Variants in MALRD1 observed in about 807,000 individuals in gnomAD.
The protein encoded by MALRD1 is MAM and LDL receptor class A domain containing 1.
A neutral mutation model predicts 242.1 loss-of-function variants in MALRD1; 247 were observed. That is an observed-to-expected ratio of 1.02 (90% CI 0.92 to 1.13). The LOEUF is 1.13. MALRD1 is among the 50% of genes most tolerant of loss of function. The pLI, the probability that MALRD1 is intolerant of heterozygous loss-of-function variation, is 0.00. For missense variants in MALRD1, 2,989 were observed against 2,533.1 expected, an observed-to-expected ratio of 1.18 and a Z score of -3.86; for synonymous variants, 995 against 866.6, an observed-to-expected ratio of 1.15 and a Z score of -2.60.
intron 34 of MALRD1, among the ~76,000 whole-genome samples, chr10:19,601,128 C>T (rs185691141): frequency 5.3e-4 from 81 of 152,146 alleles, no homozygotes; most frequent in Middle Eastern, 3.4e-3. Flanking sequence ...ATGATCCTGC[C>T]GCCTTGGTCT....
chr10:19,299,713 A>G (rs1332479011), intron 21 of MALRD1, among the ~76,000 whole-genome samples: 1 of 151,894 alleles, frequency 6.6e-6, no homozygotes, highest in Non-Finnish European at 1.5e-5. Flanking sequence ...GCACTGAAGG[A>G]ACATACCTCA....
intron 26 of MALRD1, among the ~76,000 whole-genome samples, chr10:19,386,249 C>A (rs557240135): frequency 1.3e-5 from 2 of 152,158 alleles, no homozygotes; most frequent in Admixed American, 6.6e-5. Flanking sequence ...CCCAGAAAAC[C>A]TTATAATAAA....
intron 18 of MALRD1, among the ~76,000 whole-genome samples, chr10:19,214,360 G>A (rs560871101): frequency 6.6e-6 from 1 of 152,252 alleles, no homozygotes; most frequent in East Asian, 1.9e-4. Flanking sequence ...GCAAACTTTT[G>A]TGGCATACAT....
intron 26 of MALRD1, among the ~76,000 whole-genome samples, chr10:19,367,947 G>A (rs1443099349): frequency 1.3e-5 from 2 of 151,864 alleles, no homozygotes; most frequent in East Asian, 3.9e-4. Context: ...TTTTTAAATT[G>A]GAGTATTATT....
chr10:19,660,338 G>A (rs1193966615), intron 36 of MALRD1, among the ~76,000 whole-genome samples: 1 of 152,162 alleles, frequency 6.6e-6, no homozygotes, highest in Non-Finnish European at 1.5e-5. Flanking sequence ...TTGAAAATGT[G>A]TAAATTTTAT....
intron 33 of MALRD1, among the ~76,000 whole-genome samples, chr10:19,583,979 G>C (rs1332503481): frequency 2.0e-5 from 3 of 152,090 alleles, no homozygotes; most frequent in Non-Finnish European, 4.4e-5. Flanking sequence ...AGGAATTTAT[G>C]CATTTCTTCT....
chr10:19,079,466 G>A (rs1399242115), intron 2 of MALRD1, among the ~76,000 whole-genome samples: 1 of 151,830 alleles, frequency 6.6e-6, no homozygotes, highest in African/African-American at 2.4e-5. Flanking sequence ...GTTGGGTGGA[G>A]CAAGTGTGCC....
chr10:19,178,564 T>G (rs975533703), intron 14 of MALRD1, among the ~76,000 whole-genome samples: 2 of 152,238 alleles, frequency 1.3e-5, no homozygotes, highest in Non-Finnish European at 1.5e-5. Flanking sequence ...TGTAGTTTTC[T>G]GCTCACAGTC....
At chr10:19,721,093 A>G (rs949482853) in intron 38 of MALRD1, among the ~76,000 whole-genome samples, 1 of 152,174 alleles carries the variant, frequency 6.6e-6, no homozygotes, top group African/African-American at 2.4e-5. Context: ...AGAAAACAGT[A>G]CACTGGTTAA....
chr10:19,317,716 C>T (rs1188910506), intron 21 of MALRD1, among the ~76,000 whole-genome samples: 1 of 151,932 alleles, frequency 6.6e-6, no homozygotes, highest in African/African-American at 2.4e-5. Flanking sequence ...AGTAACTACT[C>T]AGGAGATTCT....
rs1213599726 is a variant in MALRD1 at position 19,450,314 on chromosome 10, A to T, written c.4853A>T (p.Lys1618Ile). 5.8e-6 allele frequency: 9 copies of T among 1,547,890 alleles called. No homozygotes were observed. The East Asian group carries it at 2.0e-4, about 34-fold the overall frequency. The change falls in exon 29 of 40, where the codon AAA becomes ATA. Residue 1618 changes from lysine (K) to isoleucine (I), a missense_variant. Transcript: ENST00000454679. Reference protein sequence around the residue: ...GSIQILIKTEKGLSKVWQESK... With the variant: ...GSIQILIKTEIGLSKVWQESK... ...AAACTTCTTTACTTTCAGACAGAGAAAGGACTATCAAAAGTATGGCAAGAA... is the reference window on the plus strand; with the variant it reads ...AAACTTCTTTACTTTCAGACAGAGATAGGACTATCAAAAGTATGGCAAGAA...
chr10:19,512,821 A>AT (rs1160389001), intron 31 of MALRD1, among the ~76,000 whole-genome samples: 7 of 151,774 alleles, frequency 4.6e-5, no homozygotes, highest in South Asian at 4.2e-4. Context: ...TCACTCCAAG[A>AT]TTTTTTTTTC....
At chr10:19,140,833 A>G (rs889719826) in intron 10 of MALRD1, among the ~76,000 whole-genome samples, 5 of 152,136 alleles carry the variant, frequency 3.3e-5, no homozygotes, top group Non-Finnish European at 7.4e-5. Flanking sequence ...ACAAATTTTC[A>G]CTTACAAGAT....
At chr10:19,530,401 TTATATATTTATATAATAATAAA>T (rs1564417289) in intron 31 of MALRD1, among the ~76,000 whole-genome samples, 20 of 34,062 alleles carry the variant, frequency 5.9e-4, no homozygotes, top group African/African-American at 1.9e-3. Flanking sequence ...TATATAAATA[TTATATATTTATATAATAATAAA>T]TATATAATAT....
In MALRD1 at chr10:19,734,327, T is replaced by TA. The variant is rs1448153274; in HGVS notation, c.*95dup. On this transcript the variant is annotated 3_prime_UTR_variant, in exon 40 of 40. Coordinates refer to ENST00000454679, the MANE Select transcript of MALRD1 (RefSeq NM_001142308.3). ...GATAGAAACTCATCTTCTACAATGG[T>TA]AAAAAGAGAAAGGATTGTAAATGCC... 1 of 1,080,860 alleles carries TA rather than the reference T, an allele frequency of 9.3e-7. No homozygotes were observed. The highest frequency in any genetic ancestry group is 1.3e-6 in the Non-Finnish European group (1 of 752,918). 67.0% of individuals were successfully genotyped at this position (1,080,860 alleles called of 1,614,324 possible). A position where few individuals can be genotyped will look rare whatever the true frequency, so the allele number is the denominator to read the frequency against.
chr10:19,670,875 A>T (rs1265410130), intron 36 of MALRD1, among the ~76,000 whole-genome samples: 1 of 150,178 alleles, frequency 6.7e-6, no homozygotes, highest in African/African-American at 2.5e-5. Flanking sequence ...TCAACAAAAC[A>T]ATCATTTTTT....
At chr10:19,248,385 T>C (rs1839156275) in intron 18 of MALRD1, among the ~76,000 whole-genome samples, 1 of 140,258 alleles carries the variant, frequency 7.1e-6, no homozygotes, top group Non-Finnish European at 1.5e-5. Flanking sequence ...AATATTAAGG[T>C]GCCATGAAAA....
intron 34 of MALRD1, among the ~76,000 whole-genome samples, chr10:19,605,698 C>A (rs1411950918): frequency 6.6e-6 from 1 of 151,952 alleles, no homozygotes; most frequent in South Asian, 2.1e-4. Flanking sequence ...CTTTATAGAT[C>A]TCCGTATGCT....
At chr10:19,471,816 T>TTG (rs1262651174) in intron 29 of MALRD1, among the ~76,000 whole-genome samples, 3 of 151,722 alleles carry the variant, frequency 2.0e-5, no homozygotes, top group African/African-American at 7.2e-5. Flanking sequence ...CTAACAGGGT[T>TTG]TTCTTTGTGG....
Sources: gnomAD v4.1 joint callset for allele counts (sites outside exome capture counted in the v4.1 genomes callset) on GRCh38, gnomAD v4.1.1 for gene constraint, MANE v1.5 for transcripts, NCBI Gene and HGNC (gene_info 2026-07-23, HGNC 2026-07-21) for gene names.